The following ADD2 variants were observed in gnomAD, a reference collection of about 807,000 sequenced individuals.
ADD2 encodes beta-adducin.
Under a neutral mutation model 83.0 loss-of-function variants are expected in ADD2, and 23 were observed. The observed-to-expected ratio is 0.28, with a 90% CI of 0.20 to 0.39. The LOEUF (loss-of-function observed/expected upper bound fraction) is 0.39. Among genes scored for constraint, ADD2 ranks in the 10% least tolerant of loss-of-function variants. ADD2 has a pLI of 1.00. For synonymous variants in ADD2, 375 were observed against 375.4 expected (o/e 1.00, Z 0.01); for missense variants, 758 against 944.9 (o/e 0.80, Z 2.59).
chr2:70,703,224 GAGAA>G (rs1413399913), intron 4 of ADD2, among the ~76,000 whole-genome samples: 9 of 151,934 alleles, frequency 5.9e-5, no homozygotes, highest in Non-Finnish European at 1.2e-4. Flanking sequence ...AAGAGAAAGA[GAGAA>G]AGAGAAAGAG....
chr2:70,663,690 G>A lies in ADD2; in HGVS notation c.1916C>T (p.Pro639Leu). ...CACCCCTTCCGGCTGGGTTGTTTCG[G>A]GCTCTGTGGTGGCGGCTTTGCTTGT... Reference protein sequence around the residue: ...TETSKAATTEPETTQPEGVVV... With the variant: ...TETSKAATTELETTQPEGVVV... The change falls in exon 16 of 16, where the codon CCC (proline) becomes CTC (leucine). Residue 639 changes from proline to leucine, a missense_variant. Around this residue, in one of 5 missense-constraint regions of ADD2, gnomAD observed 165 missense variants for 176.2 expected, o/e 0.94. Transcript: ENST00000264436. The A allele has an allele frequency of 6.2e-7, 1 of 1,614,054 alleles. No homozygotes were observed. The highest frequency in any genetic ancestry group is 2.2e-5 in the East Asian group (1 of 44,864).
intron 10 of ADD2, among the ~76,000 whole-genome samples, chr2:70,680,666 T>C (rs1321618040): frequency 2.6e-5 from 4 of 152,216 alleles, no homozygotes; most frequent in Non-Finnish European, 5.9e-5. Flanking sequence ...TCAGGTTTTC[T>C]CTGATGTCTA....
chr2:70,706,343 G>T lies in ADD2; in HGVS notation c.66C>A (p.Asp22Glu). The change falls in exon 3 of 16, where the codon GAC (aspartate) becomes GAA (glutamate). Residue 22 changes from aspartate (D) to glutamate (E), a missense_variant. Asp to Glu is a conservative substitution (Grantham distance 45, BLOSUM62 2). Coordinates refer to ENST00000264436, the MANE Select transcript of ADD2 (RefSeq NM_001617.4). This position sits in a 1 kb window ranked among gnomAD's most constrained non-coding sequence, Gnocchi z 5.0. ...PPPPQGQPYFDRFSEDDPEYM... is the reference protein window; with the variant it reads ...PPPPQGQPYFERFSEDDPEYM... ...ACTCGGGGTCGTCCTCTGAGAAGCG[G>T]TCAAAGTAAGGCTGCCCCTGCGGGG... The T allele has an allele frequency of 6.2e-7, 1 of 1,613,906 alleles. No homozygotes were observed. The highest frequency in any genetic ancestry group is 8.5e-7 in the Non-Finnish European group (1 of 1,179,984).
rs781809100 is a variant in ADD2 at position 70,683,617 on chromosome 2, C to G, written c.1099G>C (p.Ala367Pro). 3 of 1,613,634 alleles carry G rather than the reference C, an allele frequency of 1.9e-6. No individual in the cohort carries two copies. Among genetic ancestry groups the G allele is most frequent in the Non-Finnish European group, 2.5e-6 (3 of 1,179,670 alleles). ...KSRLGEHEFE[A>P]LMRMLDNLGY... Reference sequence around the variant, plus strand: ...AGGTTGTCCAGCATCCTCATGAGGGCCTCAAACTCATGCTCCCCCAGCCGA... The same window carrying G: ...AGGTTGTCCAGCATCCTCATGAGGGGCTCAAACTCATGCTCCCCCAGCCGA... Residue 367 changes from alanine to proline, a missense_variant, in exon 10 of 16, where the codon GCC becomes CCC. By Grantham distance (27) the Ala-to-Pro change is conservative (BLOSUM62 -1). Around this residue, in one of 5 missense-constraint regions of ADD2, gnomAD observed 394 missense variants for 509.3 expected, o/e 0.77. Transcript: ENST00000264436.
chr2:70,673,438 T>C, intron 14 of ADD2: 1 of 769,234 alleles, frequency 1.3e-6, no homozygotes, highest in Non-Finnish European at 2.2e-6. Flanking sequence ...TGACTCCCCT[T>C]AAAAACACCC....
chr2:70,735,882 T>TA lies in ADD2; in HGVS notation c.-153-22699dup, dbSNP rs1553380060. ...GCTTTTTTTTTTTTTTTTTTTTTTT[T>TA]AGTAAAGATGGGGTTTCACCATGTT... On this transcript the variant is annotated intron_variant, in intron 1 of 15. Coordinates refer to ENST00000264436, the MANE Select transcript of ADD2 (RefSeq NM_001617.4). Among the ~76,000 whole-genome samples, 58 of 140,696 alleles carry TA rather than the reference T, an allele frequency of 4.1e-4. No homozygotes were observed. The East Asian group carries it at 5.1e-3, about 12-fold the overall frequency. 92.3% of individuals were successfully genotyped at this position (140,696 alleles called of 152,430 possible).
chr2:70,748,553 G>A (rs916962450), intron 1 of ADD2, among the ~76,000 whole-genome samples: 7 of 152,114 alleles, frequency 4.6e-5, no homozygotes, highest in Admixed American at 2.0e-4. Context: ...CTTCCTACCT[G>A]GGAATGGAGA....
At chr2:70,745,875 T>G (rs1337597314) in intron 1 of ADD2, among the ~76,000 whole-genome samples, 3 of 152,226 alleles carry the variant, frequency 2.0e-5, no homozygotes, top group Admixed American at 6.5e-5. Flanking sequence ...AGAAACAGAT[T>G]AATTGTATGT....
At chr2:70,699,560 G>T (rs528655364) in intron 4 of ADD2, among the ~76,000 whole-genome samples, 1 of 152,154 alleles carries the variant, frequency 6.6e-6, no homozygotes, top group Non-Finnish European at 1.5e-5. Flanking sequence ...CAGAAAACTC[G>T]CTTGAGCCTA....
At chr2:70,675,150 T>A in intron 13 of ADD2, 3 of 1,040,770 alleles carry the variant, frequency 2.9e-6, no homozygotes, top group Non-Finnish European at 3.5e-6. Context: ...GCCATCACTA[T>A]GCAAATACAG....
intron 4 of ADD2, 87 bp downstream of exon 4, chr2:70,704,234 C>T: frequency 6.8e-7 from 1 of 1,481,192 alleles, no homozygotes; most frequent in Non-Finnish European, 9.2e-7. Context: ...GCCTGGCAAC[C>T]AGATGCTTCT....
chr2:70,743,145 T>C (rs1674009060), intron 1 of ADD2, among the ~76,000 whole-genome samples: 2 of 152,174 alleles, frequency 1.3e-5, no homozygotes, highest in African/African-American at 2.4e-5. Context: ...TCAGCGTCCA[T>C]AGCCTGTCAG....
rs1675404324 is a variant in ADD2 at position 70,657,609 on chromosome 2, C to G, written c.*5816G>C. ...TTTTATAATGTGTTTCAAGTGTGGC[C>G]ACTCTGCCCTTGGTCCAATTGCCAT... On this transcript the variant is annotated 3_prime_UTR_variant, in exon 16 of 16. Transcript: ENST00000264436. 2 of 152,140 alleles carry G rather than the reference C, an allele frequency of 1.3e-5. No individual in the cohort carries two copies. Among genetic ancestry groups the G allele is most frequent in the Non-Finnish European group, 2.9e-5 (2 of 68,042 alleles). 9.4% of individuals were successfully genotyped at this position (152,140 alleles called of 1,614,324 possible). A position where few individuals can be genotyped will look rare whatever the true frequency, so the allele number is the denominator to read the frequency against.
chr2:70,763,387 CA>C (rs1186811278), intron 1 of ADD2, among the ~76,000 whole-genome samples: 2 of 151,992 alleles, frequency 1.3e-5, no homozygotes. Flanking sequence ...ATTGTGGCTG[CA>C]ATCTCTTCTA....
At chr2:70,733,290 G>A (rs1673372677) in intron 1 of ADD2, among the ~76,000 whole-genome samples, 1 of 152,146 alleles carries the variant, frequency 6.6e-6, no homozygotes, top group South Asian at 2.1e-4. Context: ...TTTTTAAGGA[G>A]GCTTTAATAA....
intron 9 of ADD2, 150 bp from the exon 10 acceptor site, chr2:70,683,917 C>T (rs1297987934): frequency 1.3e-6 from 1 of 763,434 alleles, no homozygotes; most frequent in East Asian, 3.0e-5. Flanking sequence ...ATGGGCATGC[C>T]CCCATTTCCA....
At chr2:70,666,194 C>T (rs547732029) in intron 15 of ADD2, among the ~76,000 whole-genome samples, 42 of 152,348 alleles carry the variant, frequency 2.8e-4, no homozygotes, top group African/African-American at 9.4e-4. Context: ...TGACCTATGT[C>T]ACTAGCTCAC....
intron 1 of ADD2, among the ~76,000 whole-genome samples, chr2:70,735,858 C>T (rs1323972648): frequency 1.1e-4 from 8 of 72,512 alleles, no homozygotes; most frequent in Non-Finnish European, 1.3e-4. Context: ...CCATGCCCGG[C>T]TTTTTTTTTT....
chr2:70,695,849 T>A, intron 5 of ADD2, 48 bp from the exon 6 acceptor site: 1 of 1,537,454 alleles, frequency 6.5e-7, no homozygotes, highest in Non-Finnish European at 9.0e-7. Context: ...AGAAAGGACA[T>A]TTCCAAGGAC....
Sources: allele counts gnomAD v4.1 joint callset (sites outside exome capture counted in the v4.1 genomes callset), GRCh38; gene constraint gnomAD v4.1.1; regional missense constraint gnomAD v4.1.1; non-coding constraint Gnocchi (gnomAD v3.1); transcripts MANE v1.5; gene names NCBI Gene and HGNC (gene_info 2026-07-23, HGNC 2026-07-21).